Variants in BMPR1A observed in about 807,000 individuals in gnomAD.
BMPR1A encodes bone morphogenetic protein receptor type-1A.
In BMPR1A, 7 loss-of-function variants were observed where a neutral mutation model predicts 66.0. The ratio of observed to expected loss-of-function variants is 0.11; its 90% CI spans 0.06 to 0.20. The LOEUF is 0.20. Among genes scored for constraint, BMPR1A ranks in the 10% least tolerant of loss-of-function variants. BMPR1A has a pLI of 1.00. For missense variants in BMPR1A, 408 were observed against 669.1 expected (o/e 0.61, Z 4.31); for synonymous variants, 200 against 229.7 (o/e 0.87, Z 1.17).
rs772509434 is a variant in BMPR1A at position 86,818,053 on chromosome 10, G to A, written c.-267-20812G>A. On this transcript the variant is annotated intron_variant, in intron 1 of 12. Coordinates refer to ENST00000372037, the MANE Select transcript of BMPR1A (RefSeq NM_004329.3). ...TATTTTTTCGAGACGGAGTCTCACC[G>A]TGTTGCCCAGGCTGGAGTGTAATGG... Among the ~76,000 whole-genome samples the A allele has an allele frequency of 1.8e-4, 27 of 152,144 alleles. 1 individual carries two copies. Among genetic ancestry groups the A allele is most frequent in the Non-Finnish European group, 2.9e-4 (20 of 68,026 alleles).
chr10:86,769,259 G>T (rs950896361), intron 1 of BMPR1A, among the ~76,000 whole-genome samples: 1 of 152,162 alleles, frequency 6.6e-6, no homozygotes, highest in African/African-American at 2.4e-5. Context: ...TGGTGTAAAA[G>T]AGTAAATAGA....
At chr10:86,777,935 C>G (rs946328562) in intron 1 of BMPR1A, among the ~76,000 whole-genome samples, 2 of 151,674 alleles carry the variant, frequency 1.3e-5, no homozygotes, top group Non-Finnish European at 2.9e-5. Context: ...ATTGCTTGAA[C>G]CCAGGAGGCA....
At chr10:86,889,646 G>A in intron 3 of BMPR1A, 1 of 207,528 alleles carries the variant, frequency 4.8e-6, no homozygotes, top group Non-Finnish European at 9.7e-6. Flanking sequence ...TTGCACTCCA[G>A]ATGTGCTGAC....
In BMPR1A at chr10:86,917,342, TTCAG is replaced by T; in HGVS notation, c.868+20_868+23del. 6.2e-7 allele frequency: 1 copy of T among 1,613,782 alleles called. No individual in the cohort carries two copies. Among genetic ancestry groups the T allele is most frequent in the Non-Finnish European group, 8.5e-7 (1 of 1,179,806 alleles). ...AACATACTTGGTGGGTACACACTGA[TTCAG>T]TCAATTTCATTTTTGACAAGGCTAG... On this transcript the variant is annotated intron_variant, in intron 9 of 12. Coordinates refer to ENST00000372037, the MANE Select transcript of BMPR1A (RefSeq NM_004329.3).
intron 9 of BMPR1A, among the ~76,000 whole-genome samples, chr10:86,917,825 G>C (rs150318198): frequency 6.6e-6 from 1 of 152,246 alleles, no homozygotes; most frequent in Non-Finnish European, 1.5e-5. Context: ...TTCACCTCTT[G>C]TTTTCCTCCC....
In BMPR1A at chr10:86,778,547, A is replaced by G. The variant is rs1841389085; in HGVS notation, c.-268+21628A>G. 2.0e-5 allele frequency among the ~76,000 whole-genome samples: 3 copies of G among 152,336 alleles called. No individual in the cohort carries two copies. The South Asian group carries it at 6.2e-4, about 32-fold the overall frequency. On this transcript the variant is annotated intron_variant, in intron 1 of 12. Coordinates refer to ENST00000372037, the MANE Select transcript of BMPR1A (RefSeq NM_004329.3). ...ACCCCTACTGTACAGTGATCAGATC[A>G]GGATAATTAGCATATCCATCATCTT...
intron 2 of BMPR1A, among the ~76,000 whole-genome samples, chr10:86,862,358 G>C (rs1842722800): frequency 6.6e-6 from 1 of 152,220 alleles, no homozygotes; most frequent in African/African-American, 2.4e-5. Flanking sequence ...GGGTCCTGCA[G>C]CAGGACTGTG....
chr10:86,898,253 A>ATATG (rs959875274), intron 5 of BMPR1A, among the ~76,000 whole-genome samples: 11 of 151,748 alleles, frequency 7.2e-5, no homozygotes, highest in Admixed American at 6.6e-4. Context: ...TAACACATAT[A>ATATG]TATATAACAT....
chr10:86,856,172 A>G (rs1252892343), intron 2 of BMPR1A: 19 of 527,712 alleles, frequency 3.6e-5, no homozygotes, highest in South Asian at 2.7e-4. Context: ...AAGGATAACC[A>G]CAGAGTTTGA....
chr10:86,811,034 G>GT (rs911257336), intron 1 of BMPR1A, among the ~76,000 whole-genome samples: 3 of 152,184 alleles, frequency 2.0e-5, no homozygotes, highest in East Asian at 1.9e-4. Context: ...CCCGTTTTTG[G>GT]TTTTTTTGTT....
At chr10:86,849,848 C>T (rs1842542382) in intron 2 of BMPR1A, among the ~76,000 whole-genome samples, 1 of 152,144 alleles carries the variant, frequency 6.6e-6, no homozygotes, top group South Asian at 2.1e-4. Context: ...CTTTCCTTTC[C>T]TCATCTGAAT....
chr10:86,885,901 A>G (rs1372662494), intron 3 of BMPR1A, among the ~76,000 whole-genome samples: 4 of 152,238 alleles, frequency 2.6e-5, no homozygotes, highest in Admixed American at 6.5e-5. Flanking sequence ...ATAAAAATCT[A>G]GTAAAATCAT....
At chr10:86,838,235 A>G (rs1842378968) in intron 1 of BMPR1A, among the ~76,000 whole-genome samples, 1 of 152,128 alleles carries the variant, frequency 6.6e-6, no homozygotes, top group Non-Finnish European at 1.5e-5. Flanking sequence ...TCTCAAAAAT[A>G]ATAATAATAA....
rs1389388592 is a variant in BMPR1A, at chr10:86,906,596, C to T, written c.531-5644C>T. On this transcript the variant is annotated intron_variant, in intron 7 of 12. Coordinates refer to ENST00000372037, the MANE Select transcript of BMPR1A (RefSeq NM_004329.3). The stretch of plus-strand genomic sequence containing the variant: ...GAAATTAGCCAGGCGTGGTGGCGGG[C>T]GCCTGTAGTCCCAGCTACTCGGGAG... Among the ~76,000 whole-genome samples the T allele has an allele frequency of 1.2e-4, 10 of 83,264 alleles. 2 individuals are homozygous for T. The highest frequency in any genetic ancestry group is 8.5e-4 in the South Asian group (2 of 2,348). 54.6% of individuals were successfully genotyped at this position (83,264 alleles called of 152,430 possible).
chr10:86,840,352 A>G (rs1324552078), intron 2 of BMPR1A, among the ~76,000 whole-genome samples: 2 of 152,112 alleles, frequency 1.3e-5, no homozygotes, highest in Non-Finnish European at 2.9e-5. Context: ...GTTAGGTTTC[A>G]TATTGTTTGA....
chr10:86,816,131 G>A (rs1158272351), intron 1 of BMPR1A, among the ~76,000 whole-genome samples: 1 of 152,162 alleles, frequency 6.6e-6, no homozygotes, highest in Non-Finnish European at 1.5e-5. Context: ...GACCTGTGCT[G>A]TCTAACATGG....
At chr10:86,777,983 A>C (rs1009060903) in intron 1 of BMPR1A, among the ~76,000 whole-genome samples, 1 of 151,486 alleles carries the variant, frequency 6.6e-6, no homozygotes, top group Non-Finnish European at 1.5e-5. Context: ...ATTGCACTCC[A>C]GCCTGGGTAA....
intron 2 of BMPR1A, among the ~76,000 whole-genome samples, chr10:86,845,996 CA>C (rs879412518): frequency 1.4e-3 from 182 of 129,160 alleles, no homozygotes; most frequent in East Asian, 2.9e-3. Context: ...GACTCCGTCT[CA>C]AAAAAAAAAA....
At chr10:86,858,863 A>G (rs1375512613) in intron 2 of BMPR1A, among the ~76,000 whole-genome samples, 2 of 152,216 alleles carry the variant, frequency 1.3e-5, no homozygotes, top group Non-Finnish European at 2.9e-5. Flanking sequence ...AGCAAGCTAT[A>G]GATTCAATGC....
Sources: gnomAD v4.1 joint callset for allele counts (sites outside exome capture counted in the v4.1 genomes callset) on GRCh38, gnomAD v4.1.1 for gene constraint, MANE v1.5 for transcripts, NCBI Gene and HGNC (gene_info 2026-07-23, HGNC 2026-07-21) for gene names.